The following DDX10 variants were observed in gnomAD, a reference collection of about 807,000 sequenced individuals.
The protein encoded by DDX10 is DEAD-box helicase 10, also known as probable ATP-dependent RNA helicase DDX10.
A neutral mutation model predicts 104.3 loss-of-function variants in DDX10; 74 were observed. The observed-to-expected ratio is 0.71, with a 90% CI of 0.59 to 0.86. The LOEUF (loss-of-function observed/expected upper bound fraction) is 0.86. DDX10 is among the 40% of genes least tolerant of loss of function. The pLI is 0.00. For synonymous variants in DDX10, 351 were observed against 353.4 expected (o/e 0.99, Z 0.08); for missense variants, 952 against 1,040.0 (o/e 0.92, Z 1.16).
rs1862800800 is a variant in DDX10 at position 108,852,098 on chromosome 11, T to A, written c.2248-55T>A. On this transcript the variant is annotated intron_variant, in intron 15 of 17. Transcript: ENST00000322536. ...AAATAAAACTGTAATGAATGTGTAG[T>A]CTGTTTTATACCTAATTATATGCTG... 6.0e-6 allele frequency: 8 copies of A among 1,341,128 alleles called. No individual in the cohort carries two copies. The South Asian group carries it at 1.0e-4, about 18-fold the overall frequency. The allele number at this position is 1,341,128 out of a possible 1,614,324, so 83.1% of individuals were successfully genotyped here.
At chr11:108,735,842 A>C (rs943229343) in intron 13 of DDX10, among the ~76,000 whole-genome samples, 2 of 152,142 alleles carry the variant, frequency 1.3e-5, no homozygotes, top group East Asian at 3.9e-4. Context: ...TGAACCTTGC[A>C]CTAGCAGGTT....
chr11:108,869,732 A>G (rs758001031), intron 16 of DDX10, among the ~76,000 whole-genome samples: 14 of 152,096 alleles, frequency 9.2e-5, no homozygotes, highest in Admixed American at 7.2e-4. Context: ...GCTTTCTGCA[A>G]TGTGTTCATT....
chr11:108,838,380 G>T (rs1217013491), intron 13 of DDX10, 66 bp from the exon 14 acceptor site: 3 of 1,533,034 alleles, frequency 2.0e-6, no homozygotes, highest in Admixed American at 2.0e-5. Flanking sequence ...TATTGCCAGA[G>T]TTGGATTGTT....
intron 16 of DDX10, among the ~76,000 whole-genome samples, chr11:108,884,952 T>C (rs1705273350): frequency 6.6e-6 from 1 of 152,222 alleles, no homozygotes; most frequent in Admixed American, 6.5e-5. Context: ...ATTTTTCCTC[T>C]ACAGGTGGTC....
intron 17 of DDX10, chr11:108,921,163 A>G (rs1325712567): frequency 6.6e-6 from 1 of 152,200 alleles, no homozygotes; most frequent in African/African-American, 2.4e-5. Flanking sequence ...TGTAATTTCT[A>G]TTTATACTTT....
At chr11:108,834,788 C>T (rs756076241) in intron 13 of DDX10, among the ~76,000 whole-genome samples, 9 of 151,662 alleles carry the variant, frequency 5.9e-5, no homozygotes, top group Admixed American at 1.3e-4. Context: ...ATTAGCCGGG[C>T]GTGGTGGCGG....
At chr11:108,753,058 T>G (rs1314156668) in intron 13 of DDX10, among the ~76,000 whole-genome samples, 1 of 150,690 alleles carries the variant, frequency 6.6e-6, no homozygotes, top group South Asian at 2.1e-4. Context: ...GGAAATGTGC[T>G]TTGTATATAT....
At chr11:108,774,250 G>T (rs894536257) in intron 13 of DDX10, among the ~76,000 whole-genome samples, 1 of 152,188 alleles carries the variant, frequency 6.6e-6, no homozygotes, top group East Asian at 1.9e-4. Flanking sequence ...TTTGTTCATT[G>T]GCCGTGTGAC....
At chr11:108,881,551 T>G (rs1301718019) in intron 16 of DDX10, among the ~76,000 whole-genome samples, 2 of 152,208 alleles carry the variant, frequency 1.3e-5, no homozygotes. Flanking sequence ...GTGATCCACA[T>G]TCAGTAGAAG....
intron 13 of DDX10, among the ~76,000 whole-genome samples, chr11:108,833,595 A>G (rs1233796212): frequency 6.6e-6 from 1 of 152,206 alleles, no homozygotes; most frequent in Non-Finnish European, 1.5e-5. Context: ...TTACTTCTTC[A>G]GGGGGGCAGG....
chr11:108,694,698 G>A (rs2094257265), intron 9 of DDX10, among the ~76,000 whole-genome samples: 1 of 152,136 alleles, frequency 6.6e-6, no homozygotes, highest in African/African-American at 2.4e-5. Context: ...GAGCAACATG[G>A]TGAAACCCTG....
At chr11:108,730,855 T>C (rs2094311223) in intron 13 of DDX10, among the ~76,000 whole-genome samples, 1 of 151,850 alleles carries the variant, frequency 6.6e-6, no homozygotes, top group African/African-American at 2.4e-5. Context: ...GCATGTTTTT[T>C]TTTTTTTACT....
intron 13 of DDX10, among the ~76,000 whole-genome samples, chr11:108,758,934 C>G (rs2094347597): frequency 6.6e-6 from 1 of 152,020 alleles, no homozygotes; most frequent in Non-Finnish European, 1.5e-5. Context: ...TGATAAAGCT[C>G]CATTCAGTTG....
chr11:108,729,995 C>A (rs1342974347), intron 13 of DDX10: 1 of 153,942 alleles, frequency 6.5e-6, no homozygotes, highest in Non-Finnish European at 1.5e-5. Flanking sequence ...ATCGTGGATT[C>A]TGGATCCATT....
chr11:108,873,038 C>T (rs1178186959), intron 16 of DDX10, among the ~76,000 whole-genome samples: 1 of 152,164 alleles, frequency 6.6e-6, no homozygotes, highest in Non-Finnish European at 1.5e-5. Flanking sequence ...ATAGAATAAA[C>T]ATCATGGGCA....
rs1490841122 is a variant in DDX10, at chr11:108,801,463, G to A, written c.1966-36983G>A. On this transcript the variant is annotated intron_variant, in intron 13 of 17. Coordinates refer to ENST00000322536, the MANE Select transcript of DDX10 (RefSeq NM_004398.4). ...TCCAAGGTTGTAAGTAGCTTGTCAT[G>A]TGTAAAGAAAAGTCTGCAAGATGAG... is the stretch of plus-strand genomic sequence containing the variant. Among the ~76,000 whole-genome samples, 4 of 152,192 alleles carry A rather than the reference G, an allele frequency of 2.6e-5. No individual in the cohort carries two copies. In the East Asian group the frequency reaches 5.8e-4, roughly 22 times the overall value.
intron 10 of DDX10, among the ~76,000 whole-genome samples, chr11:108,708,117 A>G (rs906784442): frequency 1.3e-5 from 2 of 151,960 alleles, no homozygotes; most frequent in Non-Finnish European, 2.9e-5. Flanking sequence ...CCAGCAATTA[A>G]TGAGAGTTCC....
chr11:108,751,967 C>T (rs1265577894), intron 13 of DDX10, among the ~76,000 whole-genome samples: 1 of 152,104 alleles, frequency 6.6e-6, no homozygotes, highest in African/African-American at 2.4e-5. Context: ...CAATATTTTA[C>T]TCCAAAGCTA....
At position 108,727,580 on chromosome 11, in the gene DDX10, T is replaced by G. The variant is rs1259807177; in HGVS notation, c.1965+4118T>G. On this transcript the variant is annotated intron_variant, in intron 13 of 17. Coordinates refer to ENST00000322536, the MANE Select transcript of DDX10 (RefSeq NM_004398.4). ...ATTGCCATATGAATAAATTCAGAATTGTATTCTCACTTTAAACAGTAGGGT... is the reference window on the plus strand; with the variant it reads ...ATTGCCATATGAATAAATTCAGAATGGTATTCTCACTTTAAACAGTAGGGT... Among the ~76,000 whole-genome samples the G allele has an allele frequency of 2.0e-5, 3 of 152,204 alleles. No individual in the cohort carries two copies. In the East Asian group the frequency reaches 5.8e-4, roughly 29 times the overall value.
Sources: allele counts gnomAD v4.1 joint callset (sites outside exome capture counted in the v4.1 genomes callset), GRCh38; gene constraint gnomAD v4.1.1; transcripts MANE v1.5; gene names NCBI Gene and HGNC (gene_info 2026-07-23, HGNC 2026-07-21).